BTNL9: variants seen among roughly 807,000 people sequenced by gnomAD.
The protein encoded by BTNL9 is butyrophilin like 9.
Under a neutral mutation model 45.8 loss-of-function variants are expected in BTNL9, and 45 were observed. That is an observed-to-expected ratio of 0.98 (90% CI 0.77 to 1.26). The LOEUF (loss-of-function observed/expected upper bound fraction) is 1.26. Ranked by LOEUF, BTNL9 falls within the 50% of genes most tolerant of loss-of-function variation. BTNL9 has a pLI of 0.00. For synonymous variants in BTNL9, 346 were observed against 330.8 expected (o/e 1.05, Z -0.50); for missense variants, 784 against 729.7 (o/e 1.07, Z -0.86).
intron 1 of BTNL9, among the ~76,000 whole-genome samples, chr5:181,044,418 G>A (rs925584964): frequency 9.9e-5 from 15 of 152,182 alleles, no homozygotes; most frequent in Admixed American, 7.2e-4. Flanking sequence ...TCCAACAAGG[G>A]CACTGTGATG....
rs756218130 is a variant in BTNL9 at position 181,059,286 on chromosome 5, G to A, written c.1032G>A (p.Ser344=). 161 of 1,573,086 alleles carry A rather than the reference G, an allele frequency of 1.0e-4. No homozygotes were observed. Among genetic ancestry groups the A allele is most frequent in the Non-Finnish European group, 1.3e-4 (154 of 1,167,530 alleles). ...CGGCGCACCCCAGCCTGGAGGTGTC[G>A]GAGGATGGCAAGAGCGTGTCTTCCC... is the stretch of plus-strand genomic sequence containing the variant. The part of the protein sequence containing the change: ...PASAHPSLEV[S]EDGKSVSSRG... Residue 344 remains serine (S), a synonymous_variant, in exon 11 of 11, where the codon TCG becomes TCA. Coordinates refer to ENST00000327705, the MANE Select transcript of BTNL9 (RefSeq NM_152547.5).
In BTNL9 at chr5:181,059,451, C is replaced by A. The variant is rs1457351898; in HGVS notation, c.1197C>A (p.Gly399=). The A allele has an allele frequency of 6.9e-7, 1 of 1,456,842 alleles. No individual in the cohort carries two copies. Among genetic ancestry groups the A allele is most frequent in the East Asian group, 3.0e-5 (1 of 33,800 alleles). 90.2% of individuals were successfully genotyped at this position (1,456,842 alleles called of 1,614,324 possible). ...GCCGCCGCAGCCGCTGGTTCCTGGG[C>A]GCCTGCCTGGCCGCGGTGCCGCGCG... ...HVGRRSRWFL[G]ACLAAVPRAG... The change falls in exon 11 of 11, where the codon GGC becomes GGA. Residue 399 remains glycine, a synonymous_variant. Coordinates refer to ENST00000327705, the MANE Select transcript of BTNL9 (RefSeq NM_152547.5).
At position 181,042,102 on chromosome 5, in the gene BTNL9, G is replaced by A. The variant is rs1760802410; in HGVS notation, c.-24+1670G>A. 6.6e-6 allele frequency among the ~76,000 whole-genome samples: 1 copy of A among 152,176 alleles called. No individual in the cohort carries two copies. ...GGGGCGGGCTGGGGGCAATGAGAGAGCAAGAAGAAAAGAAAAATAAAAAGA... is the reference window on the plus strand; with the variant it reads ...GGGGCGGGCTGGGGGCAATGAGAGAACAAGAAGAAAAGAAAAATAAAAAGA... On this transcript the variant is annotated intron_variant, in intron 1 of 10. Coordinates refer to ENST00000327705, the MANE Select transcript of BTNL9 (RefSeq NM_152547.5). This position sits in a 1 kb window ranked among gnomAD's most constrained non-coding sequence, Gnocchi z 4.5.
Position 181,055,860 on chromosome 5 carries a change from A to G in BTNL9, c.929-129A>G. 1 of 1,058,398 alleles carries G rather than the reference A, an allele frequency of 9.4e-7. No individual in the cohort carries two copies. Among genetic ancestry groups the G allele is most frequent in the Non-Finnish European group, 1.5e-6 (1 of 673,274 alleles). 65.6% of individuals were successfully genotyped at this position (1,058,398 alleles called of 1,614,324 possible). On this transcript the variant is annotated intron_variant, in intron 8 of 10. Coordinates refer to ENST00000327705, the MANE Select transcript of BTNL9 (RefSeq NM_152547.5). This position sits in a 1 kb window ranked among gnomAD's most constrained non-coding sequence, Gnocchi z 4.4. ...CATCTCCCAACCAGGTATGATGCCC[A>G]GGCAGGACCCCTGCTGGCTATGTGG...
chr5:181,059,817 G>C lies in BTNL9; in HGVS notation c.1563G>C (p.Trp521Cys). The change falls in exon 11 of 11, where the codon TGG (tryptophan) becomes TGC (cysteine). Residue 521 changes from tryptophan (W) to cysteine (C), a missense_variant. By Grantham distance (215) the Trp-to-Cys change is radical. Coordinates refer to ENST00000327705, the MANE Select transcript of BTNL9 (RefSeq NM_152547.5). ...CCGAAGAGAACGACAGTGACACCTG[G>C]CTACAGCCCTATGAGCCCGCGGACC... ...GVPEENDSDT[W>C]LQPYEPADPA... 6.3e-7 allele frequency: 1 copy of C among 1,598,086 alleles called. No homozygotes were observed. Among genetic ancestry groups the C allele is most frequent in the Non-Finnish European group, 8.5e-7 (1 of 1,177,538 alleles).
In BTNL9 at chr5:181,059,319, G is replaced by T. The variant is rs1212174236; in HGVS notation, c.1065G>T (p.Ala355=). The T allele has an allele frequency of 1.6e-5, 25 of 1,555,732 alleles. No individual in the cohort carries two copies. Among genetic ancestry groups the T allele is most frequent in the Non-Finnish European group, 2.1e-5 (24 of 1,155,832 alleles). Residue 355 remains alanine (A), a synonymous_variant, in exon 11 of 11, where the codon GCG becomes GCT. Coordinates refer to ENST00000327705, the MANE Select transcript of BTNL9 (RefSeq NM_152547.5). ...GCAAGAGCGTGTCTTCCCGCGGGGC[G>T]CCGCCAGGCCCGGCGCCTGGCCACC... ...EDGKSVSSRG[A]PPGPAPGHPQ... is the part of the protein sequence containing the mutation.
At chr5:181,059,205 C>G in intron 10 of BTNL9, 32 bp from the exon 11 acceptor site, 1 of 1,487,594 alleles carries the variant, frequency 6.7e-7, no homozygotes, top group East Asian at 2.7e-5. Flanking sequence ...CAGACCGTCC[C>G]GGGCGGGCAC....
In BTNL9 at chr5:181,053,962, C is replaced by G. The variant is rs144796864; in HGVS notation, c.887-277C>G. On this transcript the variant is annotated intron_variant, in intron 6 of 10. Coordinates refer to ENST00000327705, the MANE Select transcript of BTNL9 (RefSeq NM_152547.5). The surrounding 1 kb of genome is among the most constrained non-coding windows in gnomAD (Gnocchi z 6.5). ...TCCGGGGCTTAACGTTTCCGCCGAG[C>G]TAATAGATTTGGGAGGCTCCGACCC... 3.9e-6 allele frequency: 6 copies of G among 1,527,426 alleles called. No homozygotes were observed. The South Asian group carries it at 6.0e-5, about 15-fold the overall frequency. 94.6% of individuals were successfully genotyped at this position (1,527,426 alleles called of 1,614,324 possible).
At chr5:181,052,249 G>A (rs1490294848) in intron 4 of BTNL9, among the ~76,000 whole-genome samples, 2 of 152,188 alleles carry the variant, frequency 1.3e-5, no homozygotes, top group Non-Finnish European at 2.9e-5. Flanking sequence ...CTGATTCCAC[G>A]GATGTGGGAT....
chr5:181,059,422 G>A lies in BTNL9; in HGVS notation c.1168G>A (p.Val390Met). ...CGGCCGCCACTACTGGGAGGTGCAC[G>A]TGGGCCGCCGCAGCCGCTGGTTCCT... ...SAGRHYWEVHVGRRSRWFLGA... is the reference protein window; with the variant it reads ...SAGRHYWEVHMGRRSRWFLGA... The change falls in exon 11 of 11, where the codon GTG becomes ATG. Residue 390 changes from valine to methionine, a missense_variant. Coordinates refer to ENST00000327705, the MANE Select transcript of BTNL9 (RefSeq NM_152547.5). 1 of 1,483,150 alleles carries A rather than the reference G, an allele frequency of 6.7e-7. No homozygotes were observed. 91.9% of individuals were successfully genotyped at this position (1,483,150 alleles called of 1,614,324 possible).
chr5:181,054,042 G>T, intron 6 of BTNL9, 197 bp from the exon 7 acceptor site: 1 of 1,543,666 alleles, frequency 6.5e-7, no homozygotes, highest in Non-Finnish European at 8.7e-7. Context: ...ATGCAGAAGG[G>T]CAGCCAAGGG....
rs779325563 is a variant in BTNL9 at position 181,045,550 on chromosome 5, G to A, written c.61G>A (p.Val21Ile). ...GCCAGTATCGCTGACCAGCAGTCTT[G>A]TCTTCCTCATGCACCTCCTCCTCCT... ...LKPVSLTSSL[V>I]FLMHLLLLQP... The change falls in exon 2 of 11, where the codon GTC becomes ATC. Residue 21 changes from valine (V) to isoleucine (I), a missense_variant. Coordinates refer to ENST00000327705, the MANE Select transcript of BTNL9 (RefSeq NM_152547.5). 6.2e-7 allele frequency: 1 copy of A among 1,612,776 alleles called. No homozygotes were observed. Among genetic ancestry groups the A allele is most frequent in the Non-Finnish European group, 8.5e-7 (1 of 1,179,412 alleles).
intron 2 of BTNL9, among the ~76,000 whole-genome samples, chr5:181,046,743 C>A (rs1458731838): frequency 1.3e-5 from 2 of 151,480 alleles, no homozygotes; most frequent in Non-Finnish European, 2.9e-5. Context: ...TGTCCAAAGA[C>A]CTTGGGAGCA....
rs1043113901 is a variant in BTNL9 at position 181,055,565 on chromosome 5, C to T, written c.928+112C>T. 6.9e-5 allele frequency: 85 copies of T among 1,225,664 alleles called. No homozygotes were observed. In the Middle Eastern group the frequency reaches 2.0e-3, roughly 29 times the overall value. The allele number at this position is 1,225,664 out of a possible 1,614,324, so 75.9% of individuals were successfully genotyped here. On this transcript the variant is annotated intron_variant, in intron 8 of 10. Transcript: ENST00000327705. This position sits in a 1 kb window ranked among gnomAD's most constrained non-coding sequence, Gnocchi z 4.4. Reference sequence around the variant, plus strand: ...CGGGTGGATCACGAGGTCAGGAGATCGAGACCAGCCTGGCTAACACAGTGA... The same window carrying T: ...CGGGTGGATCACGAGGTCAGGAGATTGAGACCAGCCTGGCTAACACAGTGA...
chr5:181,047,933 A>T lies in BTNL9; in HGVS notation c.116A>T (p.Lys39Met). The T allele has an allele frequency of 6.2e-7, 1 of 1,612,786 alleles. No homozygotes were observed. Among genetic ancestry groups the T allele is most frequent in the South Asian group, 1.1e-5 (1 of 90,994 alleles). The change falls in exon 3 of 11, where the codon AAG becomes ATG. Residue 39 changes from lysine to methionine, a missense_variant. Coordinates refer to ENST00000327705, the MANE Select transcript of BTNL9 (RefSeq NM_152547.5). Reference protein sequence around the residue: ...LQPGEPSSEVKVLGPEYPILA... With the variant: ...LQPGEPSSEVMVLGPEYPILA... Reference sequence around the variant, plus strand: ...TTCTGACTTGTCATCCTAGAGGTCAAGGTGCTAGGCCCTGAGTATCCCATC... The same window carrying T: ...TTCTGACTTGTCATCCTAGAGGTCATGGTGCTAGGCCCTGAGTATCCCATC...
chr5:181,059,661 C>T lies in BTNL9; in HGVS notation c.1407C>T (p.Ser469=), dbSNP rs763855544. The T allele has an allele frequency of 1.9e-6, 3 of 1,613,694 alleles. No individual in the cohort carries two copies. The highest frequency in any genetic ancestry group is 2.5e-6 in the Non-Finnish European group (3 of 1,179,946). Residue 469 remains serine (S), a synonymous_variant, in exon 11 of 11, where the codon TCC becomes TCT. Transcript: ENST00000327705. ...ELSFFNVSDG[S]HIFTFHDTFS... ...CCTTCTTCAACGTGTCCGACGGCTC[C>T]CACATCTTCACCTTCCACGACACCT...
At position 181,053,643 on chromosome 5, in the gene BTNL9, C is replaced by T; in HGVS notation, c.886+142C>T. ...ACCGGGGAACGGGGATCGGTGACCC[C>T]GGTGGGGAAGGGGGAAGATCGTTCA... On this transcript the variant is annotated intron_variant, in intron 6 of 10. Coordinates refer to ENST00000327705, the MANE Select transcript of BTNL9 (RefSeq NM_152547.5). This position sits in a 1 kb window ranked among gnomAD's most constrained non-coding sequence, Gnocchi z 6.5. The T allele has an allele frequency of 4.5e-6, 7 of 1,541,382 alleles. No homozygotes were observed. In the South Asian group the frequency reaches 6.0e-5, roughly 13 times the overall value.
intron 9 of BTNL9, among the ~76,000 whole-genome samples, 193 bp from the exon 10 acceptor site, chr5:181,058,159 C>G (rs1054168336): frequency 2.0e-5 from 3 of 152,182 alleles, no homozygotes; most frequent in African/African-American, 7.2e-5. Flanking sequence ...ACACAGGCCT[C>G]TACTCAATCT....
chr5:181,059,583 C>A lies in BTNL9; in HGVS notation c.1329C>A (p.Arg443=), dbSNP rs762827825. ...CGCACCGCGTCGCGCTCACCCTGCGCGTGCCCCCGCGGCGCCTGGGCGTCT... is the reference window on the plus strand; with the variant it reads ...CGCACCGCGTCGCGCTCACCCTGCGAGTGCCCCCGCGGCGCCTGGGCGTCT... ...LAPHRVALTL[R]VPPRRLGVFL... The change falls in exon 11 of 11, where the codon CGC becomes CGA. Residue 443 remains arginine, a synonymous_variant. Transcript: ENST00000327705. The A allele has an allele frequency of 6.2e-7, 1 of 1,612,824 alleles. No individual in the cohort carries two copies. The highest frequency in any genetic ancestry group is 2.2e-5 in the East Asian group (1 of 44,868).
Sources: gnomAD v4.1 joint callset for allele counts (sites outside exome capture counted in the v4.1 genomes callset) on GRCh38, gnomAD v4.1.1 for gene constraint, Gnocchi (gnomAD v3.1) non-coding constraint, MANE v1.5 for transcripts, NCBI Gene and HGNC (gene_info 2026-07-23, HGNC 2026-07-21) for gene names.